The following PIK3CA variants were observed in gnomAD, a reference collection of about 807,000 sequenced individuals.
The protein encoded by PIK3CA is phosphatidylinositol-4,5-bisphosphate 3-kinase catalytic subunit alpha.
PIK3CA carries 27 observed loss-of-function variants against 138.2 expected under a neutral mutation model. That is an observed-to-expected ratio of 0.20 (90% CI 0.14 to 0.27). The LOEUF (loss-of-function observed/expected upper bound fraction) is 0.27. PIK3CA is among the 10% of genes least tolerant of loss of function. PIK3CA has a pLI of 1.00. For synonymous variants in PIK3CA, 358 were observed against 413.2 expected (o/e 0.87, Z 1.62); for missense variants, 544 against 1,277.4 (o/e 0.43, Z 8.75).
At position 179,203,134 on chromosome 3, in the gene PIK3CA, G is replaced by C. The variant is rs558104646; in HGVS notation, c.814-410G>C. Reference sequence around the variant, plus strand: ...TTTTTGTATTTTTAGTAGAGACGGGGTTTCACCGTTTTAGCCAGGATGGTC... The same window carrying C: ...TTTTTGTATTTTTAGTAGAGACGGGCTTTCACCGTTTTAGCCAGGATGGTC... On this transcript the variant is annotated intron_variant, in intron 4 of 20. Transcript: ENST00000263967. Among the ~76,000 whole-genome samples, 4 of 151,830 alleles carry C rather than the reference G, an allele frequency of 2.6e-5. No individual in the cohort carries two copies. In the East Asian group the frequency reaches 5.8e-4, roughly 22 times the overall value.
rs781381096 is a variant in PIK3CA at position 179,209,638 on chromosome 3, C to G, written c.1189C>G (p.Pro397Ala). 4 of 1,612,372 alleles carry G rather than the reference C, an allele frequency of 2.5e-6. No individual in the cohort carries two copies. The highest frequency in any genetic ancestry group is 3.4e-6 in the Non-Finnish European group (4 of 1,178,914). Residue 397 changes from proline to alanine, a missense_variant, in exon 7 of 21, where the codon CCT becomes GCT. Physicochemically the swap from Pro to Ala is conservative, Grantham distance 27. Around this residue, in one of 14 missense-constraint regions of PIK3CA, gnomAD observed 234 missense variants for 401.3 expected, o/e 0.58. Coordinates refer to ENST00000263967, the MANE Select transcript of PIK3CA (RefSeq NM_006218.4). ...TTATGATATATACATTCCTGATCTT[C>G]CTCGTGCTGCTCGACTTTGCCTTTC... is the stretch of plus-strand genomic sequence containing the variant. ...LNYDIYIPDL[P>A]RAARLCLSIC...
At chr3:179,195,148 T>C (rs1724234575) in intron 1 of PIK3CA, among the ~76,000 whole-genome samples, 1 of 151,876 alleles carries the variant, frequency 6.6e-6, no homozygotes, top group Admixed American at 6.6e-5. Flanking sequence ...AGCACCGGCA[T>C]CTGAGCCACT....
intron 1 of PIK3CA, among the ~76,000 whole-genome samples, chr3:179,161,567 G>A (rs1228473311): frequency 2.0e-5 from 3 of 152,114 alleles, no homozygotes; most frequent in Non-Finnish European, 4.4e-5. Context: ...GCGTGGTGGC[G>A]CGTGCCTGTA....
intron 2 of PIK3CA, 71 bp downstream of exon 2, chr3:179,199,248 TTC>T (rs1560137345): frequency 5.8e-6 from 6 of 1,032,900 alleles, no homozygotes; most frequent in East Asian, 2.5e-5. Context: ...TCTAAAATAT[TTC>T]TGTCTAAACC....
chr3:179,152,002 GTAT>G (rs562398625), intron 1 of PIK3CA, among the ~76,000 whole-genome samples: 31 of 152,270 alleles, frequency 2.0e-4, no homozygotes, highest in African/African-American at 6.3e-4. Flanking sequence ...CTGTACAGTA[GTAT>G]TCTTATTGCC....
chr3:179,227,458 G>C (rs979312768), intron 17 of PIK3CA, among the ~76,000 whole-genome samples: 76 of 152,156 alleles, frequency 5.0e-4, no homozygotes, highest in African/African-American at 1.8e-3. Context: ...AGAAAAGGTT[G>C]TGTAAGAGAA....
chr3:179,234,456 C>A lies in PIK3CA; in HGVS notation c.*92C>A. 2.0e-6 allele frequency: 2 copies of A among 1,005,254 alleles called. No individual in the cohort carries two copies. The highest frequency in any genetic ancestry group is 2.9e-6 in the Non-Finnish European group (2 of 682,104). The allele number at this position is 1,005,254 out of a possible 1,614,324, so 62.3% of individuals were successfully genotyped here. A position where few individuals can be genotyped will look rare whatever the true frequency, so the allele number is the denominator to read the frequency against. On this transcript the variant is annotated 3_prime_UTR_variant, in exon 21 of 21. Coordinates refer to ENST00000263967, the MANE Select transcript of PIK3CA (RefSeq NM_006218.4). This position sits in a 1 kb window ranked among gnomAD's most constrained non-coding sequence, Gnocchi z 5.1. ...GCAAAGACCGATTGCATAGGAATTG[C>A]ACAATCCATGAACAGCATTAGAATT...
chr3:179,189,213 C>CA (rs918717817), intron 1 of PIK3CA, among the ~76,000 whole-genome samples: 10 of 149,100 alleles, frequency 6.7e-5, no homozygotes, highest in South Asian at 2.1e-4. Flanking sequence ...GACTCCATCT[C>CA]AAAAAAAAAG....
At position 179,224,072 on chromosome 3, in the gene PIK3CA, T is replaced by C; in HGVS notation, c.2188-9T>C. ...TTTCTTACTGTGACTATCCTTTTTT[T>C]TTAATCAGGTACAGATGAAGTTTTT... On this transcript the variant is annotated splice_polypyrimidine_tract_variant and intron_variant, in intron 14 of 20. Coordinates refer to ENST00000263967, the MANE Select transcript of PIK3CA (RefSeq NM_006218.4). 6.7e-7 allele frequency: 1 copy of C among 1,482,886 alleles called. No individual in the cohort carries two copies. The highest frequency in any genetic ancestry group is 9.4e-7 in the Non-Finnish European group (1 of 1,065,374). The allele number at this position is 1,482,886 out of a possible 1,614,324, so 91.9% of individuals were successfully genotyped here.
Position 179,195,969 on chromosome 3 carries a change from A to G in PIK3CA, c.-76-2781A>G, listed in dbSNP as rs1417463494. ...TGTCATTCTGTCTACCAGAATGTCAACCAGTGCCTGCCTTCCAGGATCAAC... is the reference window on the plus strand; with the variant it reads ...TGTCATTCTGTCTACCAGAATGTCAGCCAGTGCCTGCCTTCCAGGATCAAC... On this transcript the variant is annotated intron_variant, in intron 1 of 20. Transcript: ENST00000263967. Among the ~76,000 whole-genome samples the G allele has an allele frequency of 2.6e-5, 4 of 152,232 alleles. No homozygotes were observed. In the South Asian group the frequency reaches 8.3e-4, roughly 31 times the overall value.
At chr3:179,163,756 T>C (rs759201553) in intron 1 of PIK3CA, among the ~76,000 whole-genome samples, 1 of 152,140 alleles carries the variant, frequency 6.6e-6, no homozygotes, top group Non-Finnish European at 1.5e-5. Context: ...TGACAGGTAA[T>C]TGAAGAAGTG....
Position 179,220,660 on chromosome 3 carries a change from C to G in PIK3CA, c.2016-326C>G. ...GAAGAGTCAAACAGCATTCACTGAG[C>G]GCTTTGTTCCCTCCCTCTTCATTTG... On this transcript the variant is annotated intron_variant, in intron 13 of 20. Coordinates refer to ENST00000263967, the MANE Select transcript of PIK3CA (RefSeq NM_006218.4). The surrounding 1 kb of genome is among the most constrained non-coding windows in gnomAD (Gnocchi z 4.1). Among the ~76,000 whole-genome samples the G allele has an allele frequency of 6.6e-6, 1 of 152,058 alleles. No individual in the cohort carries two copies. The highest frequency in any genetic ancestry group is 2.4e-5 in the African/African-American group (1 of 41,410).
In PIK3CA at chr3:179,198,765, C is replaced by G. The variant is rs201809368; in HGVS notation, c.-61C>G. ...TTTGATTTAGGTTTCTGCTTTGGGA[C>G]AACCATACATCTAATTCCTTAAAGT... On this transcript the variant is annotated 5_prime_UTR_variant, in exon 2 of 21. Coordinates refer to ENST00000263967, the MANE Select transcript of PIK3CA (RefSeq NM_006218.4). 2 of 918,802 alleles carry G rather than the reference C, an allele frequency of 2.2e-6. No homozygotes were observed. The highest frequency in any genetic ancestry group is 2.8e-5 in the Admixed American group (1 of 35,094). The allele number at this position is 918,802 out of a possible 1,614,324, so 56.9% of individuals were successfully genotyped here.
Position 179,236,742 on chromosome 3 carries a change from C to A in PIK3CA, c.*2378C>A, listed in dbSNP as rs563519068. On this transcript the variant is annotated 3_prime_UTR_variant, in exon 21 of 21. Transcript: ENST00000263967. ...AAAAGTTACTACAACCAAATTAATT[C>A]TATTAGAAGAAATGTAGACAAATTC... 47 of 220,996 alleles carry A rather than the reference C, an allele frequency of 2.1e-4. No individual in the cohort carries two copies. The highest frequency in any genetic ancestry group is 8.5e-4 in the Middle Eastern group (2 of 2,352). The allele number at this position is 220,996 out of a possible 1,614,324, so 13.7% of individuals were successfully genotyped here. A position where few individuals can be genotyped will look rare whatever the true frequency, so the allele number is the denominator to read the frequency against.
At chr3:179,151,026 G>A (rs1723001343) in intron 1 of PIK3CA, among the ~76,000 whole-genome samples, 1 of 152,086 alleles carries the variant, frequency 6.6e-6, no homozygotes, top group Non-Finnish European at 1.5e-5. Context: ...TCCAAGATAG[G>A]GGTGATTCTT....
intron 1 of PIK3CA, among the ~76,000 whole-genome samples, chr3:179,194,015 G>A (rs1724200477): frequency 6.6e-6 from 1 of 151,636 alleles, no homozygotes; most frequent in Admixed American, 6.6e-5. Context: ...TAGTCTAAAG[G>A]CCCTTTTATT....
intron 5 of PIK3CA, among the ~76,000 whole-genome samples, chr3:179,204,098 A>AT (rs1384842146): frequency 6.6e-6 from 1 of 152,214 alleles, no homozygotes; most frequent in Non-Finnish European, 1.5e-5. Flanking sequence ...TATAATCTTT[A>AT]TTAACCCCAC....
At chr3:179,177,466 C>T (rs529273600) in intron 1 of PIK3CA, among the ~76,000 whole-genome samples, 20 of 152,140 alleles carry the variant, frequency 1.3e-4, no homozygotes, top group African/African-American at 4.6e-4. Flanking sequence ...GCATCTGCCA[C>T]CACACCCAGC....
intron 1 of PIK3CA, among the ~76,000 whole-genome samples, chr3:179,160,354 T>C (rs888609150): frequency 4.0e-5 from 6 of 150,464 alleles, no homozygotes; most frequent in African/African-American, 1.5e-4. Context: ...GAATTTGCCA[T>C]CCTTTCAGTT....
Sources: gnomAD v4.1 joint callset for allele counts (sites outside exome capture counted in the v4.1 genomes callset) on GRCh38, gnomAD v4.1.1 for gene constraint, gnomAD v4.1.1 regional missense constraint, Gnocchi (gnomAD v3.1) non-coding constraint, MANE v1.5 for transcripts, NCBI Gene and HGNC (gene_info 2026-07-23, HGNC 2026-07-21) for gene names.